The following TRHDE variants were observed in gnomAD, a reference collection of about 807,000 sequenced individuals.
TRHDE encodes thyrotropin releasing hormone degrading enzyme.
TRHDE carries 72 observed loss-of-function variants against 125.7 expected under a neutral mutation model. The ratio of observed to expected loss-of-function variants is 0.57; its 90% CI spans 0.47 to 0.70. The LOEUF (loss-of-function observed/expected upper bound fraction) is 0.70, where lower values mean the gene tolerates loss of function less well. Ranked by LOEUF, TRHDE falls within the 30% of genes least tolerant of loss-of-function variation. The pLI, the probability that TRHDE is intolerant of heterozygous loss-of-function variation, is 0.00. For synonymous variants in TRHDE, 509 were observed against 509.1 expected, an observed-to-expected ratio of 1.00 and a Z score of 0.00; for missense variants, 1,110 against 1,327.1, an observed-to-expected ratio of 0.84 and a Z score of 2.54.
chr12:72,527,941 TA>T (rs1244129205), intron 6 of TRHDE, among the ~76,000 whole-genome samples: 1 of 152,064 alleles, frequency 6.6e-6, no homozygotes, highest in Non-Finnish European at 1.5e-5. Context: ...TGTGGCATAA[TA>T]AATAACTTTT....
At chr12:72,587,958 G>A (rs12824763) in intron 12 of TRHDE, among the ~76,000 whole-genome samples, 40,359 of 151,844 alleles carry the variant, frequency 0.27, 8,160 homozygotes, top group African/African-American at 0.54. Flanking sequence ...ATCATCATTC[G>A]ATACCTATTT....
rs373455568 is a variant in TRHDE at position 72,115,668 on chromosome 12, A to C, written n.279+9916A>C. ...TGTACTAATTTATATTCCCACCAAC[A>C]GTGTACAATGGTTCCCTTTCCTCCA... On this transcript the variant is annotated intron_variant and non_coding_transcript_variant, in intron 2 of 4. Coordinates refer to the TRHDE transcript ENST00000548156. 2.3e-4 allele frequency among the ~76,000 whole-genome samples: 35 copies of C among 152,240 alleles called. 1 individual carries two copies. Among genetic ancestry groups the C allele is most frequent in the East Asian group, 1.2e-3 (6 of 5,178 alleles).
At chr12:72,630,819 A>C (rs1161107042) in intron 15 of TRHDE, among the ~76,000 whole-genome samples, 1 of 150,718 alleles carries the variant, frequency 6.6e-6, no homozygotes, top group African/African-American at 2.4e-5. Context: ...TGTATAGGGA[A>C]AAAATCATGG....
chr12:72,308,028 A>G (rs1868377417), intron 2 of TRHDE, among the ~76,000 whole-genome samples: 1 of 152,122 alleles, frequency 6.6e-6, no homozygotes, highest in South Asian at 2.1e-4. Flanking sequence ...GATTCCACCA[A>G]TAAATGCCTG....
intron 3 of TRHDE, among the ~76,000 whole-genome samples, chr12:72,429,734 G>A (rs1350146543): frequency 6.6e-6 from 1 of 151,988 alleles, no homozygotes; most frequent in Non-Finnish European, 1.5e-5. Flanking sequence ...GTGTAAAGTG[G>A]AATCTCATCA....
At chr12:72,271,815 T>A (rs1471396158), upstream of TRHDE, 1 of 425,312 alleles carries the variant, frequency 2.4e-6, no homozygotes, top group Admixed American at 2.4e-5. Flanking sequence ...ACCCAGAGCT[T>A]CATCTACCTG....
At chr12:72,328,761 G>C (rs1210844229) in intron 2 of TRHDE, among the ~76,000 whole-genome samples, 1 of 152,068 alleles carries the variant, frequency 6.6e-6, no homozygotes, top group Non-Finnish European at 1.5e-5. Context: ...TGCCAAGTTT[G>C]TTTATCTTGT....
intron 2 of TRHDE, among the ~76,000 whole-genome samples, chr12:72,164,725 A>T (rs1876708444): frequency 6.6e-6 from 1 of 152,188 alleles, no homozygotes; most frequent in Non-Finnish European, 1.5e-5. Context: ...TTTGTATAGC[A>T]TTTTCACTTA....
chr12:72,484,952 T>C (rs1440555992), intron 5 of TRHDE, among the ~76,000 whole-genome samples: 1 of 152,098 alleles, frequency 6.6e-6, no homozygotes, highest in African/African-American at 2.4e-5. Context: ...GATGGCTACA[T>C]AGGGAAGGGA....
At chr12:72,470,686 A>G (rs1876599194) in intron 4 of TRHDE, among the ~76,000 whole-genome samples, 1 of 152,074 alleles carries the variant, frequency 6.6e-6, no homozygotes, top group South Asian at 2.1e-4. Context: ...ATTGTGATAC[A>G]GTGTGATTTC....
chr12:72,232,645 C>T (rs1427174728), intron 2 of TRHDE, among the ~76,000 whole-genome samples: 1 of 152,040 alleles, frequency 6.6e-6, no homozygotes, highest in Non-Finnish European at 1.5e-5. Context: ...AACTCAGCCC[C>T]AGCATCCTCT....
intron 15 of TRHDE, among the ~76,000 whole-genome samples, chr12:72,639,333 C>G (rs1448703054): frequency 3.3e-4 from 49 of 150,688 alleles, no homozygotes; most frequent in African/African-American, 1.1e-3. Flanking sequence ...ACGTAGTTCT[C>G]GAGCCTTGGT....
rs538823843 is a variant in TRHDE at position 72,564,653 on chromosome 12, A to ATTTTTTTTTTT, written c.2042+1635_2042+1645dup. On this transcript the variant is annotated intron_variant, in intron 9 of 18. Transcript: ENST00000261180. ...TGGAATTATAAAATCATGCGTATGA[A>ATTTTTTTTTTT]TTTTTTTTTTTTTTTTTTTTTTTTT... Among the ~76,000 whole-genome samples the ATTTTTTTTTTT allele has an allele frequency of 5.4e-3, 296 of 54,316 alleles. 63 individuals carry two copies. The highest frequency in any genetic ancestry group is 7.9e-3 in the Non-Finnish European group (241 of 30,574). 35.6% of individuals were successfully genotyped at this position (54,316 alleles called of 152,430 possible).
At chr12:72,202,694 AC>A (rs1877583657) in intron 2 of TRHDE, among the ~76,000 whole-genome samples, 1 of 152,166 alleles carries the variant, frequency 6.6e-6, no homozygotes, top group African/African-American at 2.4e-5. Context: ...AATACTTGAA[AC>A]CATTATCTTC....
At chr12:72,533,433 A>G (rs1868667665) in intron 6 of TRHDE, among the ~76,000 whole-genome samples, 1 of 152,182 alleles carries the variant, frequency 6.6e-6, no homozygotes, top group African/African-American at 2.4e-5. Flanking sequence ...CTGGACTCCC[A>G]AAGTGCTGGG....
At chr12:72,238,328 AT>A (rs773995997) in intron 2 of TRHDE, among the ~76,000 whole-genome samples, 463 of 34,642 alleles carry the variant, frequency 0.013, 68 homozygotes, top group Middle Eastern at 0.032. Context: ...ATATACATAT[AT>A]ATATACACAT....
At chr12:72,614,185 T>G (rs1174560788) in intron 12 of TRHDE, among the ~76,000 whole-genome samples, 1 of 151,890 alleles carries the variant, frequency 6.6e-6, no homozygotes, top group Non-Finnish European at 1.5e-5. Flanking sequence ...GGAATTGCAA[T>G]TCAACATGAG....
intron 2 of TRHDE, among the ~76,000 whole-genome samples, chr12:72,224,078 CCATCT>C (rs1878054920): frequency 1.5e-5 from 1 of 67,198 alleles, no homozygotes; most frequent in Admixed American, 1.7e-4. Flanking sequence ...ATCTATCTAT[CCATCT>C]ATCTATCCAT....
intron 17 of TRHDE, among the ~76,000 whole-genome samples, chr12:72,656,346 A>G (rs1324048098): frequency 1.3e-5 from 2 of 152,154 alleles, no homozygotes; most frequent in Non-Finnish European, 2.9e-5. Context: ...GGTTTCTAAG[A>G]ATGAAATATA....
Sources: allele counts gnomAD v4.1 joint callset (sites outside exome capture counted in the v4.1 genomes callset), GRCh38; gene constraint gnomAD v4.1.1; transcripts MANE v1.5; gene names NCBI Gene and HGNC (gene_info 2026-07-23, HGNC 2026-07-21).